The following AGMO variants were observed in gnomAD, a reference collection of about 807,000 sequenced individuals.
AGMO encodes the protein glyceryl-ether monooxygenase.
Under a neutral mutation model 60.2 loss-of-function variants are expected in AGMO, and 75 were observed. That is an observed-to-expected ratio of 1.25 (90% CI 1.03 to 1.51). The LOEUF is 1.51. AGMO is among the 40% of genes most tolerant of loss of function. AGMO has a pLI of 0.00. For synonymous variants in AGMO, 261 were observed against 177.1 expected, an observed-to-expected ratio of 1.47 and a Z score of -3.76; for missense variants, 763 against 525.5, an observed-to-expected ratio of 1.45 and a Z score of -4.42.
chr7:15,450,823 A>C (rs1314003596), intron 3 of AGMO, among the ~76,000 whole-genome samples: 17 of 152,192 alleles, frequency 1.1e-4, no homozygotes, highest in Non-Finnish European at 8.8e-5. Flanking sequence ...AAACCAACTC[A>C]TTAGGCAAGT....
At chr7:15,285,617 GA>G (rs1563069983) in intron 12 of AGMO, among the ~76,000 whole-genome samples, 1 of 152,060 alleles carries the variant, frequency 6.6e-6, no homozygotes, top group Non-Finnish European at 1.5e-5. Context: ...TGGATTGGCA[GA>G]ATCAATATCA....
At chr7:15,505,124 AG>A (rs201046467) in intron 3 of AGMO, among the ~76,000 whole-genome samples, 2,270 of 152,062 alleles carry the variant, frequency 0.015, 59 homozygotes, top group African/African-American at 0.051. Flanking sequence ...CCACGTTTCA[AG>A]TCAAATCATC....
chr7:15,315,356 T>TG (rs1780891610), intron 12 of AGMO, among the ~76,000 whole-genome samples: 4 of 141,416 alleles, frequency 2.8e-5, no homozygotes, highest in Non-Finnish European at 6.0e-5. Context: ...TTTTTTTTTT[T>TG]GAGACAGAGT....
chr7:15,323,173 C>T lies in AGMO; in HGVS notation c.1263+42341G>A, dbSNP rs190490681. Reference sequence around the variant, plus strand: ...ATTTCCAATATAAAGAGATGATAAGCGAATGATCTTGTTTCTCACAGTGCA... The same window carrying T: ...ATTTCCAATATAAAGAGATGATAAGTGAATGATCTTGTTTCTCACAGTGCA... On this transcript the variant is annotated intron_variant, in intron 12 of 12. Transcript: ENST00000342526. 4.3e-3 allele frequency among the ~76,000 whole-genome samples: 660 copies of T among 151,786 alleles called. 3 individuals carry two copies. Among genetic ancestry groups the T allele is most frequent in the Non-Finnish European group, 7.2e-3 (487 of 67,916 alleles).
chr7:15,193,712 A>G, the AGMO span, among the ~76,000 whole-genome samples: 1 of 152,174 alleles, frequency 6.6e-6, no homozygotes, highest in Non-Finnish European at 1.5e-5. Context: ...ATCTCCAACT[A>G]GTTCTAAACA....
chr7:15,167,955 T>G, the AGMO span, among the ~76,000 whole-genome samples: 1 of 152,192 alleles, frequency 6.6e-6, no homozygotes, highest in Non-Finnish European at 1.5e-5. Context: ...CTCTATAGAA[T>G]AGAAATGCTA....
intron 3 of AGMO, among the ~76,000 whole-genome samples, chr7:15,449,750 C>T (rs1781809154): frequency 6.6e-6 from 1 of 152,150 alleles, no homozygotes; most frequent in African/African-American, 2.4e-5. Flanking sequence ...ATTAAACCAG[C>T]AGACGTTGGT....
At chr7:15,521,284 AC>A (rs1438201952) in intron 3 of AGMO, among the ~76,000 whole-genome samples, 1 of 152,216 alleles carries the variant, frequency 6.6e-6, no homozygotes, top group East Asian at 1.9e-4. Context: ...AGGAGCTGGT[AC>A]CATTCCTTCT....
intron 4 of AGMO, among the ~76,000 whole-genome samples, chr7:15,420,078 T>C (rs970193133): frequency 6.6e-6 from 1 of 152,108 alleles, no homozygotes; most frequent in African/African-American, 2.4e-5. Context: ...TTTTGGATGC[T>C]TAATAAGTAG....
intron 2 of AGMO, 55 bp from the exon 3 acceptor site, chr7:15,544,978 C>A: frequency 1.6e-6 from 2 of 1,270,560 alleles, no homozygotes; most frequent in East Asian, 2.7e-5. Flanking sequence ...AAAAAAATTA[C>A]GCTAAAATGT....
At chr7:15,349,631 C>T (rs774096939) in intron 12 of AGMO, among the ~76,000 whole-genome samples, 9 of 152,094 alleles carry the variant, frequency 5.9e-5, no homozygotes, top group Non-Finnish European at 1.2e-4. Context: ...TATTCTCATG[C>T]TGCTATGAAG....
intron 12 of AGMO, among the ~76,000 whole-genome samples, chr7:15,336,927 T>G (rs1198347990): frequency 6.6e-6 from 1 of 152,204 alleles, no homozygotes; most frequent in Non-Finnish European, 1.5e-5. Context: ...CACCTGGTCC[T>G]TTTAAAGTTC....
At chr7:15,354,388 G>GTATA (rs1782395729) in intron 12 of AGMO, among the ~76,000 whole-genome samples, 9 of 42,098 alleles carry the variant, frequency 2.1e-4, no homozygotes, top group African/African-American at 9.7e-4. Context: ...ATACACGTGT[G>GTATA]TGTATACACG....
intron 12 of AGMO, among the ~76,000 whole-genome samples, chr7:15,312,546 T>TGGGGGGAGGTTATC (rs1383943880): frequency 6.7e-5 from 1 of 14,862 alleles, no homozygotes; most frequent in African/African-American, 2.6e-4. Flanking sequence ...GCGGGGGCGG[T>TGGGGGGAGGTTATC]GGGGGGAGGT....
At chr7:15,193,959 C>A in the AGMO span, among the ~76,000 whole-genome samples, 2 of 152,084 alleles carry the variant, frequency 1.3e-5, no homozygotes, top group African/African-American at 4.8e-5. Flanking sequence ...TCACAATATA[C>A]CTCTCTAAAT....
chr7:15,226,079 A>C (rs74701313), intron 12 of AGMO, among the ~76,000 whole-genome samples: 9,226 of 152,140 alleles, frequency 0.061, 372 homozygotes, highest in Non-Finnish European at 0.095. Flanking sequence ...TCTTTGCCCC[A>C]GTCCTGTTCA....
rs1427392214 is a variant in AGMO, at chr7:15,322,557, A to AATATATAAAT, written c.1263+42947_1263+42956dup. 1.4e-4 allele frequency among the ~76,000 whole-genome samples: 6 copies of AATATATAAAT among 44,240 alleles called. 1 individual carries two copies. The South Asian group carries it at 2.1e-3, about 15-fold the overall frequency. The allele number at this position is 44,240 out of a possible 152,430, so 29.0% of individuals were successfully genotyped here. A position where few individuals can be genotyped will look rare whatever the true frequency, so the allele number is the denominator to read the frequency against. The stretch of plus-strand genomic sequence containing the variant: ...ATAAATATATATATAAATATATATA[A>AATATATAAAT]ATATATAAATATATATAAATATATA... On this transcript the variant is annotated intron_variant, in intron 12 of 12. Transcript: ENST00000342526.
chr7:15,189,771 G>GA, the AGMO span, among the ~76,000 whole-genome samples: 1 of 151,078 alleles, frequency 6.6e-6, no homozygotes, highest in African/African-American at 2.4e-5. Context: ...TGTAACAATA[G>GA]AAAAAGCTAT....
At chr7:15,308,039 G>A (rs540715020) in intron 12 of AGMO, among the ~76,000 whole-genome samples, 1 of 152,096 alleles carries the variant, frequency 6.6e-6, no homozygotes, top group Admixed American at 6.6e-5. Context: ...AATACCTCCA[G>A]GCTTGCTGGT....
Sources: gnomAD v4.1 joint callset for allele counts (sites outside exome capture counted in the v4.1 genomes callset) on GRCh38, gnomAD v4.1.1 for gene constraint, MANE v1.5 for transcripts, NCBI Gene and HGNC (gene_info 2026-07-23, HGNC 2026-07-21) for gene names.